Variants in RET observed in about 807,000 individuals in gnomAD.
The protein encoded by RET is ret proto-oncogene.
A neutral mutation model predicts 118.3 loss-of-function variants in RET; 19 were observed. The observed-to-expected ratio is 0.16, with a 90% CI of 0.11 to 0.24. RET has a LOEUF of 0.24. Among genes scored for constraint, RET ranks in the 10% least tolerant of loss-of-function variants. RET has a pLI of 1.00. For missense variants in RET, 1,219 were observed against 1,502.1 expected (o/e 0.81, Z 3.12); for synonymous variants, 597 against 644.1 (o/e 0.93, Z 1.11).
intron 13 of RET, among the ~76,000 whole-genome samples, chr10:43,119,273 G>A (rs908669506): frequency 2.6e-5 from 4 of 152,208 alleles, no homozygotes; most frequent in East Asian, 1.9e-4. Flanking sequence ...GGGCAGTGTC[G>A]CCTGCCTCAG....
intron 1 of RET, among the ~76,000 whole-genome samples, chr10:43,094,042 A>G (rs1159858582): frequency 7.6e-6 from 1 of 132,340 alleles, no homozygotes; most frequent in Non-Finnish European, 1.6e-5. Context: ...CATGTCAAAT[A>G]TTTGACTATA....
intron 17 of RET, among the ~76,000 whole-genome samples, chr10:43,124,588 G>C (rs888856087): frequency 2.0e-5 from 3 of 152,214 alleles, no homozygotes; most frequent in African/African-American, 7.2e-5. Context: ...GTTTACCAGT[G>C]TCTTTGCAAG....
At chr10:43,089,355 C>T (rs1837361954) in intron 1 of RET, among the ~76,000 whole-genome samples, 2 of 152,224 alleles carry the variant, frequency 1.3e-5, no homozygotes, top group South Asian at 4.1e-4. Flanking sequence ...AACAAGCTGC[C>T]TGTTTTCTTG....
Position 43,113,621 on chromosome 10 carries a change from T to G in RET, c.1825T>G (p.Cys609Gly), listed in dbSNP as rs77558292. The G allele has an allele frequency of 6.2e-7, 1 of 1,613,182 alleles. No homozygotes were observed. Among genetic ancestry groups the G allele is most frequent in the Non-Finnish European group, 8.5e-7 (1 of 1,179,788 alleles). Reference sequence around the variant, plus strand: ...GGGGATTAAAGCTGGCTATGGCACCTGCAACTGCTTCCCTGAGGAGGAGAA... The same window carrying G: ...GGGGATTAAAGCTGGCTATGGCACCGGCAACTGCTTCCCTGAGGAGGAGAA... The part of the protein sequence containing the change: ...PRGIKAGYGT[C>G]NCFPEEEKCF... The change falls in exon 10 of 20, where the codon TGC (cysteine) becomes GGC (glycine). Residue 609 changes from cysteine to glycine, a missense_variant. This residue lies in a region of RET where 850 missense variants were observed against 969.6 expected (regional missense o/e 0.88). Coordinates refer to ENST00000355710, the MANE Select transcript of RET (RefSeq NM_020975.6).
chr10:43,082,262 C>G (rs1158223443), intron 1 of RET, among the ~76,000 whole-genome samples: 1 of 152,160 alleles, frequency 6.6e-6, no homozygotes, highest in Non-Finnish European at 1.5e-5. Flanking sequence ...GGAGATGGTG[C>G]CAGCAGGACC....
chr10:43,092,115 C>T (rs1005367936), intron 1 of RET, among the ~76,000 whole-genome samples: 16 of 152,102 alleles, frequency 1.1e-4, no homozygotes, highest in African/African-American at 3.9e-4. Flanking sequence ...AATGGATAAG[C>T]AAAATATAAT....
At chr10:43,077,531 C>T (rs1304229963) in intron 1 of RET, among the ~76,000 whole-genome samples, 200 bp downstream of exon 1, 1 of 146,574 alleles carries the variant, frequency 6.8e-6, no homozygotes, top group African/African-American at 2.5e-5. Flanking sequence ...CCGGGCGCCT[C>T]GGGCCGGGGC....
intron 14 of RET, 77 bp downstream of exon 14, chr10:43,119,822 C>T (rs2132953331): frequency 1.4e-6 from 2 of 1,449,416 alleles, no homozygotes; most frequent in South Asian, 1.2e-5. Context: ...GCCACCCACA[C>T]CCTGGCCTGC....
chr10:43,123,544 G>A (rs1050412518), intron 16 of RET, 127 bp from the exon 17 acceptor site: 1 of 1,259,062 alleles, frequency 7.9e-7, no homozygotes, highest in Non-Finnish European at 1.2e-6. Flanking sequence ...GCTGACATCT[G>A]TGAGCATCTG....
At chr10:43,097,354 G>A (rs1465392794) in intron 1 of RET, among the ~76,000 whole-genome samples, 6 of 152,126 alleles carry the variant, frequency 3.9e-5, no homozygotes, top group Non-Finnish European at 7.4e-5. Context: ...GCCACCCAAG[G>A]GCAAATGGTT....
rs1838402761 is a variant in RET, at chr10:43,129,500, G to T, written c.*1231G>T. The stretch of plus-strand genomic sequence containing the variant: ...CATAAGCTTCTTGTCATTCTTCATT[G>T]CTTGTTTGTGGTCACAGATGCACAA... On this transcript the variant is annotated 3_prime_UTR_variant, in exon 20 of 20. Coordinates refer to ENST00000355710, the MANE Select transcript of RET (RefSeq NM_020975.6). 1 of 234,792 alleles carries T rather than the reference G, an allele frequency of 4.3e-6. No individual in the cohort carries two copies. 14.5% of individuals were successfully genotyped at this position (234,792 alleles called of 1,614,324 possible).
At chr10:43,113,515 C>A (rs2132825072) in intron 9 of RET, 41 bp from the exon 10 acceptor site, 1 of 1,572,562 alleles carries the variant, frequency 6.4e-7, no homozygotes, top group South Asian at 1.1e-5. Flanking sequence ...CTGGGGTGGT[C>A]AGGCGCCCCA....
intron 16 of RET, among the ~76,000 whole-genome samples, chr10:43,123,394 G>T (rs1034942958): frequency 2.0e-5 from 3 of 152,154 alleles, no homozygotes; most frequent in African/African-American, 7.2e-5. Flanking sequence ...TTCATCTTAA[G>T]CCTCATGTGT....
At chr10:43,103,804 G>A (rs1408582265) in intron 3 of RET, among the ~76,000 whole-genome samples, 1 of 152,242 alleles carries the variant, frequency 6.6e-6, no homozygotes, top group Non-Finnish European at 1.5e-5. Flanking sequence ...ACAGAGGAAA[G>A]CATTATATGA....
intron 1 of RET, among the ~76,000 whole-genome samples, chr10:43,091,356 C>T (rs893988689): frequency 4.6e-5 from 7 of 151,594 alleles, no homozygotes; most frequent in East Asian, 1.9e-4. Context: ...GGGCCAGGTG[C>T]GGTGGCTCAC....
Position 43,112,412 on chromosome 10 carries a change from G to A in RET, c.1648+188G>A, listed in dbSNP as rs3026753. On this transcript the variant is annotated intron_variant, in intron 8 of 19. Coordinates refer to ENST00000355710, the MANE Select transcript of RET (RefSeq NM_020975.6). ...GCAGGGCTTGGGAGAGGGCTTGTGA[G>A]TACAGTGAATGGTCCCCAGGCCGGA... Among the ~76,000 whole-genome samples, 1,095 of 152,358 alleles carry A rather than the reference G, an allele frequency of 7.2e-3. 10 individuals carry two copies. The highest frequency in any genetic ancestry group is 0.025 in the African/African-American group (1,043 of 41,580).
chr10:43,088,723 C>G (rs890065344), intron 1 of RET, among the ~76,000 whole-genome samples: 1 of 152,164 alleles, frequency 6.6e-6, no homozygotes, highest in Non-Finnish European at 1.5e-5. Context: ...CTCATTACCA[C>G]TGCAACACAC....
At chr10:43,092,012 A>G (rs2132599570) in intron 1 of RET, among the ~76,000 whole-genome samples, 1 of 152,332 alleles carries the variant, frequency 6.6e-6, no homozygotes, top group Non-Finnish European at 1.5e-5. Flanking sequence ...GGAAGCAGGA[A>G]GCAGTCAGGA....
At chr10:43,079,943 C>T (rs1837143624) in intron 1 of RET, among the ~76,000 whole-genome samples, 1 of 152,222 alleles carries the variant, frequency 6.6e-6, no homozygotes, top group Non-Finnish European at 1.5e-5. Flanking sequence ...TCCACTCCAG[C>T]TCACTAACCC....
Sources: allele counts gnomAD v4.1 joint callset (sites outside exome capture counted in the v4.1 genomes callset), GRCh38; gene constraint gnomAD v4.1.1; regional missense constraint gnomAD v4.1.1; transcripts MANE v1.5; gene names NCBI Gene and HGNC (gene_info 2026-07-23, HGNC 2026-07-21).